TNIP3: variants seen among roughly 807,000 people sequenced by gnomAD.
TNIP3 encodes TNFAIP3 interacting protein 3, also known as TNFAIP3-interacting protein 3.
Under a neutral mutation model 54.1 loss-of-function variants are expected in TNIP3, and 34 were observed. The ratio of observed to expected loss-of-function variants is 0.63; its 90% CI spans 0.48 to 0.84. The LOEUF is 0.84. Ranked by LOEUF, TNIP3 falls within the 40% of genes least tolerant of loss-of-function variation. The probability of loss-of-function intolerance (pLI) is 0.00; values close to 1 mark genes in which losing one functional copy is unlikely to be tolerated. For missense variants in TNIP3, 366 were observed against 387.6 expected (o/e 0.94, Z 0.47); for synonymous variants, 134 against 136.8 (o/e 0.98, Z 0.14).
chr4:121,210,860 G>A (rs542905057), intron 2 of TNIP3, among the ~76,000 whole-genome samples: 33 of 152,228 alleles, frequency 2.2e-4, no homozygotes, highest in African/African-American at 7.0e-4. Context: ...TTCAACATAC[G>A]AATTTAGGGG....
intron 7 of TNIP3, among the ~76,000 whole-genome samples, chr4:121,144,842 G>A (rs553730657): frequency 6.6e-6 from 1 of 152,286 alleles, no homozygotes; most frequent in Admixed American, 6.5e-5. Flanking sequence ...GTAATAAGAA[G>A]CATTTTAGAG....
At chr4:121,157,323 C>A in intron 3 of TNIP3, 80 bp from the exon 4 acceptor site, 1 of 1,594,856 alleles carries the variant, frequency 6.3e-7, no homozygotes, top group Non-Finnish European at 8.6e-7. Context: ...AGGCTATGAA[C>A]TTTGGCAGAA....
At chr4:121,170,208 C>T (rs996106800) in intron 3 of TNIP3, among the ~76,000 whole-genome samples, 4 of 152,188 alleles carry the variant, frequency 2.6e-5, no homozygotes, top group African/African-American at 9.7e-5. Context: ...CTCTGAGATG[C>T]TATAAGCTTC....
intron 1 of TNIP3, among the ~76,000 whole-genome samples, chr4:121,162,317 C>T (rs912602076): frequency 5.3e-5 from 8 of 152,146 alleles, no homozygotes; most frequent in Non-Finnish European, 1.2e-4. Flanking sequence ...GAGATGTTCT[C>T]GTTTCCTTAG....
chr4:121,183,471 C>G (rs775369226), intron 2 of TNIP3, among the ~76,000 whole-genome samples: 2 of 152,214 alleles, frequency 1.3e-5, no homozygotes, highest in Non-Finnish European at 2.9e-5. Context: ...CCAGAGCTTC[C>G]TACTCAAATC....
intron 3 of TNIP3, among the ~76,000 whole-genome samples, chr4:121,178,525 C>A (rs1724493992): frequency 6.6e-6 from 1 of 152,164 alleles, no homozygotes; most frequent in Non-Finnish European, 1.5e-5. Context: ...GTGAGTGGTA[C>A]CCAAAGGTGC....
intron 2 of TNIP3, among the ~76,000 whole-genome samples, chr4:121,208,883 C>G (rs138326085): frequency 2.4e-3 from 363 of 152,250 alleles, no homozygotes; most frequent in African/African-American, 8.3e-3. Context: ...TGGAGAGCTT[C>G]AGGGTGGGGC....
upstream of TNIP3, among the ~76,000 whole-genome samples, chr4:121,220,807 A>C (rs1408020659): frequency 6.6e-6 from 1 of 152,144 alleles, no homozygotes; most frequent in Non-Finnish European, 1.5e-5. Context: ...TGTGTGTTTT[A>C]CTGAGCGAAT....
Position 121,215,241 on chromosome 4 carries a change from G to A in TNIP3, c.68+1174C>T, listed in dbSNP as rs146231151. 3.5e-4 allele frequency among the ~76,000 whole-genome samples: 54 copies of A among 152,180 alleles called. 1 individual carries two copies. The highest frequency in any genetic ancestry group is 1.0e-3 in the African/African-American group (43 of 41,508). ...CAGATGGGCCTCTTTTAATGAAAAC[G>A]TTCTCATAGAGAATCTGAGAATATG... On this transcript the variant is annotated intron_variant, in intron 2 of 12. Coordinates refer to the TNIP3 transcript ENST00000507879.
Position 121,164,188 on chromosome 4 carries a change from G to A in TNIP3, c.-63C>T, listed in dbSNP as rs769763587. 13 of 1,611,210 alleles carry A rather than the reference G, an allele frequency of 8.1e-6. No homozygotes were observed. The highest frequency in any genetic ancestry group is 7.6e-6 in the Non-Finnish European group (9 of 1,179,002). ...AAAAACAGGGGAAAAGTCTCTTAAG[G>A]TATATTTTAGGGTGAGAGCAAGTAT... is the stretch of plus-strand genomic sequence containing the variant. On this transcript the variant is annotated 5_prime_UTR_variant, in exon 1 of 11. Transcript: ENST00000057513.
chr4:121,142,891 A>G, intron 7 of TNIP3, 115 bp from the exon 8 acceptor site: 1 of 806,888 alleles, frequency 1.2e-6, no homozygotes, highest in Non-Finnish European at 2.0e-6. Flanking sequence ...CAACAAAAAT[A>G]GCCACAAGTT....
chr4:121,142,703 G>A (rs1412235667), intron 8 of TNIP3, 23 bp downstream of exon 8: 1 of 1,592,944 alleles, frequency 6.3e-7, no homozygotes. Flanking sequence ...ATAAATGTAT[G>A]CGTGAAAATT....
intron 3 of TNIP3, among the ~76,000 whole-genome samples, chr4:121,175,988 G>T (rs2148824027): frequency 6.6e-6 from 1 of 152,304 alleles, no homozygotes; most frequent in South Asian, 2.1e-4. Context: ...TGATATTCAT[G>T]TAGAGTGGAA....
intron 2 of TNIP3, among the ~76,000 whole-genome samples, chr4:121,200,634 C>G (rs1190193581): frequency 7.5e-6 from 1 of 133,982 alleles, no homozygotes; most frequent in Non-Finnish European, 1.7e-5. Flanking sequence ...TCAAAGAGAA[C>G]TGTTGCAAAC....
chr4:121,197,480 C>T (rs915928136), intron 2 of TNIP3, among the ~76,000 whole-genome samples: 12 of 145,460 alleles, frequency 8.2e-5, no homozygotes, highest in South Asian at 2.1e-4. Context: ...TGCAGTAAGC[C>T]GAGATCAGGC....
chr4:121,189,933 T>C (rs2148831828), intron 2 of TNIP3, among the ~76,000 whole-genome samples: 1 of 152,214 alleles, frequency 6.6e-6, no homozygotes, highest in Non-Finnish European at 1.5e-5. Context: ...GATCCAAACC[T>C]CTTGTGGCTG....
At chr4:121,149,945 A>C (rs1362767434) in intron 6 of TNIP3, among the ~76,000 whole-genome samples, 158 bp downstream of exon 6, 2 of 152,200 alleles carry the variant, frequency 1.3e-5, no homozygotes, top group Admixed American at 6.5e-5. Context: ...GCTGATCTGT[A>C]TTCTTTCTAT....
At chr4:121,142,691 G>A in intron 8 of TNIP3, 35 bp downstream of exon 8, 2 of 1,566,546 alleles carry the variant, frequency 1.3e-6, no homozygotes, top group Non-Finnish European at 8.8e-7. Flanking sequence ...CTGTACATGG[G>A]AATAAATGTA....
chr4:121,154,548 T>C lies in TNIP3; in HGVS notation c.492+3A>G. The C allele has an allele frequency of 6.2e-7, 1 of 1,613,524 alleles. No individual in the cohort carries two copies. The highest frequency in any genetic ancestry group is 1.3e-5 in the African/African-American group (1 of 75,032). On this transcript the variant is annotated splice_donor_region_variant and intron_variant, in intron 5 of 10. Coordinates refer to ENST00000057513, the MANE Select transcript of TNIP3 (RefSeq NM_024873.6). ...AATCTCCCATGCTTGACCTGACTGA[T>C]ACCTTATTGAGGCGTTTTATTTCAC... is the stretch of plus-strand genomic sequence containing the variant.
Sources: gnomAD v4.1 joint callset for allele counts (sites outside exome capture counted in the v4.1 genomes callset) on GRCh38, gnomAD v4.1.1 for gene constraint, MANE v1.5 for transcripts, NCBI Gene and HGNC (gene_info 2026-07-23, HGNC 2026-07-21) for gene names.